The following ARHGAP26 variants were observed in gnomAD, a reference collection of about 807,000 sequenced individuals.
The protein encoded by ARHGAP26 is rho GTPase-activating protein 26.
Under a neutral mutation model 104.8 loss-of-function variants are expected in ARHGAP26, and 38 were observed. The ratio of observed to expected loss-of-function variants is 0.36; its 90% CI spans 0.28 to 0.48. The LOEUF is 0.48. Among genes scored for constraint, ARHGAP26 ranks in the 20% least tolerant of loss-of-function variants. The probability of loss-of-function intolerance (pLI) is 0.99; values close to 1 mark genes in which losing one functional copy is unlikely to be tolerated. For missense variants in ARHGAP26, 704 were observed against 947.9 expected, an observed-to-expected ratio of 0.74 and a Z score of 3.38; for synonymous variants, 341 against 340.0, an observed-to-expected ratio of 1.00 and a Z score of -0.03.
At chr5:143,022,699 A>G (rs1036713919) in intron 12 of ARHGAP26, among the ~76,000 whole-genome samples, 2 of 152,236 alleles carry the variant, frequency 1.3e-5, no homozygotes, top group African/African-American at 4.8e-5. Flanking sequence ...ATGGGCTGCC[A>G]TTTGTACAAA....
intron 1 of ARHGAP26, among the ~76,000 whole-genome samples, chr5:142,773,767 A>T (rs1289184949): frequency 6.6e-6 from 1 of 152,198 alleles, no homozygotes; most frequent in Non-Finnish European, 1.5e-5. Flanking sequence ...TGGGGGTAGC[A>T]CTGAATGATT....
At chr5:142,978,435 C>G (rs1773452379) in intron 11 of ARHGAP26, among the ~76,000 whole-genome samples, 1 of 152,204 alleles carries the variant, frequency 6.6e-6, no homozygotes, top group South Asian at 2.1e-4. Context: ...GTGCTGCTCT[C>G]ATCATTGACA....
Position 143,047,813 on chromosome 5 carries a change from A to T in ARHGAP26, c.1285+5923A>T, listed in dbSNP as rs575272112. Among the ~76,000 whole-genome samples, 83 of 151,908 alleles carry T rather than the reference A, an allele frequency of 5.5e-4. 1 individual carries two copies. Among genetic ancestry groups the T allele is most frequent in the East Asian group, 2.1e-3 (11 of 5,180 alleles). ...GTATGTTCTTCTTTTTCTTAAAAAA[A>T]TTTTTTTTGTTTTATTTTTATTATT... On this transcript the variant is annotated intron_variant, in intron 14 of 22. Transcript: ENST00000645722.
chr5:142,938,437 T>C (rs138216234), intron 11 of ARHGAP26, among the ~76,000 whole-genome samples: 5 of 152,296 alleles, frequency 3.3e-5, no homozygotes, highest in African/African-American at 1.2e-4. Flanking sequence ...TCATATTAAA[T>C]TGGACACGGA....
At chr5:142,990,721 A>G (rs1775463987) in intron 11 of ARHGAP26, among the ~76,000 whole-genome samples, 2 of 152,180 alleles carry the variant, frequency 1.3e-5, no homozygotes, top group Admixed American at 6.5e-5. Flanking sequence ...GGTTCGCTGG[A>G]GGTCCACTCC....
intron 21 of ARHGAP26, among the ~76,000 whole-genome samples, chr5:143,213,371 C>T (rs945731937): frequency 2.0e-5 from 3 of 152,260 alleles, no homozygotes; most frequent in African/African-American, 7.2e-5. Flanking sequence ...CACGTGTGTG[C>T]TCATGCACAC....
chr5:142,968,721 T>G (rs576667403), intron 11 of ARHGAP26, among the ~76,000 whole-genome samples: 6 of 152,348 alleles, frequency 3.9e-5, no homozygotes, highest in East Asian at 1.9e-4. Context: ...GTTCTTTTGC[T>G]TTTTGTAGTC....
intron 1 of ARHGAP26, among the ~76,000 whole-genome samples, chr5:142,858,403 T>C (rs1451324682): frequency 6.6e-6 from 1 of 152,180 alleles, no homozygotes; most frequent in African/African-American, 2.4e-5. Flanking sequence ...GGGTGTTTTA[T>C]GGCTTCAAGA....
chr5:142,998,282 C>T (rs916627050), intron 11 of ARHGAP26, among the ~76,000 whole-genome samples: 1 of 152,056 alleles, frequency 6.6e-6, no homozygotes, highest in Non-Finnish European at 1.5e-5. Flanking sequence ...AGCTGTGGAG[C>T]AGGGCTGAGT....
intron 22 of ARHGAP26, among the ~76,000 whole-genome samples, chr5:143,217,665 C>G (rs900026224): frequency 6.6e-6 from 1 of 152,142 alleles, no homozygotes; most frequent in Non-Finnish European, 1.5e-5. Context: ...CCCAAGCTGC[C>G]TAGGAAATGG....
At chr5:143,086,605 G>C (rs746042935) in intron 17 of ARHGAP26, among the ~76,000 whole-genome samples, 13 of 152,202 alleles carry the variant, frequency 8.5e-5, no homozygotes, top group Non-Finnish European at 1.5e-5. Context: ...GGACATTCTA[G>C]TCTGAAGAGT....
chr5:142,951,018 CCTTTCT>C (rs1768286326), intron 11 of ARHGAP26, among the ~76,000 whole-genome samples: 4 of 146,840 alleles, frequency 2.7e-5, no homozygotes, highest in East Asian at 4.0e-4. Context: ...TTTCCCTTTC[CCTTTCT>C]CTTTCCCTTT....
intron 1 of ARHGAP26, among the ~76,000 whole-genome samples, chr5:142,808,493 C>T (rs1364618727): frequency 1.3e-5 from 2 of 151,372 alleles, no homozygotes; most frequent in African/African-American, 4.9e-5. Context: ...GCTTAGCAAC[C>T]TGTGAGATAC....
chr5:142,836,274 C>T (rs1174369854), intron 1 of ARHGAP26, among the ~76,000 whole-genome samples: 1 of 152,206 alleles, frequency 6.6e-6, no homozygotes. Context: ...TCATTCTTCC[C>T]CTCTGAAGAG....
At chr5:142,890,597 G>A (rs1758520956) in intron 5 of ARHGAP26, among the ~76,000 whole-genome samples, 1 of 152,118 alleles carries the variant, frequency 6.6e-6, no homozygotes, top group Non-Finnish European at 1.5e-5. Context: ...GATTGGGGCA[G>A]AGGGAGAGAA....
chr5:142,836,471 A>G (rs1769597348), intron 1 of ARHGAP26, among the ~76,000 whole-genome samples: 1 of 152,070 alleles, frequency 6.6e-6, no homozygotes, highest in African/African-American at 2.4e-5. Context: ...TAATTAGACC[A>G]CCTCTTCTCA....
intron 1 of ARHGAP26, among the ~76,000 whole-genome samples, chr5:142,848,876 C>T (rs71590921): frequency 0.016 from 2,479 of 152,260 alleles, 51 homozygotes; most frequent in African/African-American, 0.046. Flanking sequence ...CTCTTTCTTT[C>T]CCGCCTACTT....
At chr5:142,981,275 AC>A (rs1185891721) in intron 11 of ARHGAP26, among the ~76,000 whole-genome samples, 2 of 152,144 alleles carry the variant, frequency 1.3e-5, no homozygotes, top group African/African-American at 4.8e-5. Flanking sequence ...TATTTCCTAA[AC>A]CGTAAAATGG....
chr5:142,816,792 G>A (rs1765221881), intron 1 of ARHGAP26, among the ~76,000 whole-genome samples: 1 of 152,194 alleles, frequency 6.6e-6, no homozygotes, highest in Admixed American at 6.5e-5. Flanking sequence ...GGAAAAGATA[G>A]GGGGAAGGTG....
Sources: allele counts gnomAD v4.1 joint callset (sites outside exome capture counted in the v4.1 genomes callset), GRCh38; gene constraint gnomAD v4.1.1; transcripts MANE v1.5; gene names NCBI Gene and HGNC (gene_info 2026-07-23, HGNC 2026-07-21).